Variants in GLIS3 observed in about 807,000 individuals in gnomAD.
GLIS3 encodes GLIS family zinc finger 3.
GLIS3 carries 53 observed loss-of-function variants against 78.6 expected under a neutral mutation model. The ratio of observed to expected loss-of-function variants is 0.67; its 90% confidence interval spans 0.54 to 0.85. The LOEUF (loss-of-function observed/expected upper bound fraction) is 0.85. Among genes scored for constraint, GLIS3 ranks in the 40% least tolerant of loss-of-function variants. The pLI is 0.00. For synonymous variants in GLIS3, 684 were observed against 509.9 expected (o/e 1.34, Z -4.60); for missense variants, 1,703 against 1,231.1 (o/e 1.38, Z -5.74).
intron 4 of GLIS3, among the ~76,000 whole-genome samples, chr9:4,052,628 G>A (rs902875225): frequency 6.6e-6 from 1 of 152,120 alleles, no homozygotes; most frequent in Non-Finnish European, 1.5e-5. Context: ...TTAGTACAAT[G>A]TTTTCAAGGT....
At chr9:3,863,789 C>CA (rs982346978) in intron 8 of GLIS3, among the ~76,000 whole-genome samples, 4 of 151,334 alleles carry the variant, frequency 2.6e-5, no homozygotes, top group Non-Finnish European at 5.9e-5. Flanking sequence ...AGTTGTAAGT[C>CA]AAAAAAACAA....
At chr9:4,456,103 A>C in the GLIS3 span, among the ~76,000 whole-genome samples, 1 of 151,994 alleles carries the variant, frequency 6.6e-6, no homozygotes, top group South Asian at 2.1e-4. Context: ...GTGAGACTCC[A>C]TCTAAGAAAA....
chr9:3,918,103 G>A (rs1824641849), intron 6 of GLIS3, among the ~76,000 whole-genome samples: 1 of 152,210 alleles, frequency 6.6e-6, no homozygotes, highest in South Asian at 2.1e-4. Flanking sequence ...GCTAAATGCA[G>A]ACTGGCAAGA....
chr9:4,447,876 T>C, the GLIS3 span, among the ~76,000 whole-genome samples: 4 of 152,226 alleles, frequency 2.6e-5, no homozygotes, highest in Non-Finnish European at 4.4e-5. Context: ...GGTTCCCTTT[T>C]ACATTTTTCA....
At chr9:4,260,548 C>A (rs1254167287) in intron 2 of GLIS3, among the ~76,000 whole-genome samples, 104 of 141,382 alleles carry the variant, frequency 7.4e-4, no homozygotes, top group African/African-American at 2.6e-3. Context: ...GCCTGGGCAA[C>A]TGAGTGAGAC....
intron 6 of GLIS3, among the ~76,000 whole-genome samples, chr9:3,914,661 G>C (rs1824381731): frequency 6.6e-6 from 1 of 152,132 alleles, no homozygotes; most frequent in Admixed American, 6.5e-5. Flanking sequence ...TTTCCACCTT[G>C]CTTCTAAAGA....
the GLIS3 span, among the ~76,000 whole-genome samples, chr9:4,353,986 C>T: frequency 8.4e-6 from 1 of 119,546 alleles, no homozygotes; most frequent in Non-Finnish European, 1.8e-5. Context: ...CGCCGCCACA[C>T]CCGGCTATTT....
intron 8 of GLIS3, among the ~76,000 whole-genome samples, chr9:3,859,450 CTT>C (rs972348251): frequency 9.3e-5 from 14 of 150,722 alleles, no homozygotes; most frequent in African/African-American, 3.4e-4. Flanking sequence ...TTAACTGAGA[CTT>C]TATTTTAAAT....
intron 9 of GLIS3, among the ~76,000 whole-genome samples, chr9:3,833,423 A>G (rs1392287259): frequency 3.9e-5 from 6 of 152,200 alleles, no homozygotes; most frequent in Non-Finnish European, 8.8e-5. Flanking sequence ...TTTCTGATGA[A>G]TGGCTCCTGC....
At chr9:4,147,051 C>T (rs1271482196) in intron 2 of GLIS3, among the ~76,000 whole-genome samples, 1 of 152,160 alleles carries the variant, frequency 6.6e-6, no homozygotes, top group African/African-American at 2.4e-5. Context: ...GACCTAGCAC[C>T]TGACATTTAG....
intron 8 of GLIS3, among the ~76,000 whole-genome samples, chr9:3,870,618 G>C (rs534195045): frequency 6.6e-6 from 1 of 152,188 alleles, no homozygotes; most frequent in Non-Finnish European, 1.5e-5. Context: ...CGCAAAAGCA[G>C]AACCCCCTGA....
At chr9:4,483,013 C>T in the GLIS3 span, among the ~76,000 whole-genome samples, 1 of 152,124 alleles carries the variant, frequency 6.6e-6, no homozygotes, top group Non-Finnish European at 1.5e-5. Flanking sequence ...ACTTTTTCTT[C>T]CAGGAGCTGA....
chr9:3,880,731 C>A (rs898589373), intron 7 of GLIS3, among the ~76,000 whole-genome samples: 1 of 152,076 alleles, frequency 6.6e-6, no homozygotes, highest in Non-Finnish European at 1.5e-5. Flanking sequence ...GAATAAGTAC[C>A]CCAGATGACC....
chr9:4,108,625 A>G (rs7856371), intron 4 of GLIS3, among the ~76,000 whole-genome samples: 29,959 of 152,158 alleles, frequency 0.2, 3,349 homozygotes, highest in Admixed American at 0.28. Context: ...GAGTGACAAA[A>G]AAGAGTCAGC....
At chr9:4,164,899 TAGC>T (rs1335065837) in intron 2 of GLIS3, among the ~76,000 whole-genome samples, 2 of 152,150 alleles carry the variant, frequency 1.3e-5, no homozygotes, top group Non-Finnish European at 2.9e-5. Context: ...AAACCAAAGA[TAGC>T]AGAGCAGCTG....
intron 9 of GLIS3, among the ~76,000 whole-genome samples, chr9:3,846,035 C>G (rs1289941787): frequency 6.6e-6 from 1 of 152,200 alleles, no homozygotes; most frequent in Non-Finnish European, 1.5e-5. Context: ...AAGGGCATGA[C>G]AGGCATTCAC....
chr9:4,392,252 C>T, the GLIS3 span, among the ~76,000 whole-genome samples: 9 of 134,354 alleles, frequency 6.7e-5, no homozygotes, highest in South Asian at 2.7e-4. Context: ...GGGCGGGGGT[C>T]GGGGGAGGGA....
intron 8 of GLIS3, among the ~76,000 whole-genome samples, chr9:3,868,720 A>T (rs1438499190): frequency 6.6e-6 from 1 of 152,198 alleles, no homozygotes; most frequent in East Asian, 1.9e-4. Context: ...CTTGTCCTCA[A>T]GTTAAAGCCC....
intron 4 of GLIS3, among the ~76,000 whole-genome samples, chr9:4,097,132 A>G (rs1340374333): frequency 6.6e-6 from 1 of 152,208 alleles, no homozygotes; most frequent in Non-Finnish European, 1.5e-5. Flanking sequence ...TCCTCCCATT[A>G]GGGCCCTAAA....
Sources: allele counts gnomAD v4.1 joint callset (sites outside exome capture counted in the v4.1 genomes callset), GRCh38; gene constraint gnomAD v4.1.1; transcripts MANE v1.5; gene names NCBI Gene and HGNC (gene_info 2026-07-23, HGNC 2026-07-21).